Variants in ADGRL4 observed in about 807,000 individuals in gnomAD.
The protein encoded by ADGRL4 is EGF, latrophilin and seven transmembrane domain containing 1.
ADGRL4 carries 90 observed loss-of-function variants against 74.8 expected under a neutral mutation model. The observed-to-expected ratio is 1.20, with a 90% CI of 1.02 to 1.43. The LOEUF (loss-of-function observed/expected upper bound fraction) is 1.43. ADGRL4 is among the 40% of genes most tolerant of loss of function. ADGRL4 has a pLI of 0.00. For synonymous variants in ADGRL4, 311 were observed against 279.2 expected, an observed-to-expected ratio of 1.11 and a Z score of -1.14; for missense variants, 881 against 814.3, an observed-to-expected ratio of 1.08 and a Z score of -1.00.
At chr1:78,937,688 A>G in intron 6 of ADGRL4, 119 bp downstream of exon 6, 1 of 859,964 alleles carries the variant, frequency 1.2e-6, no homozygotes, top group Non-Finnish European at 1.8e-6. Context: ...ACACTGATAA[A>G]ACTACTTTCA....
Position 78,939,168 on chromosome 1 carries a change from T to C in ADGRL4, c.396+20A>G, listed in dbSNP as rs1405069269. ...AACCAAAATGTCAAAATAAAATAAA[T>C]TGTTAACTGTTCTACTTACTTTTGT... On this transcript the variant is annotated intron_variant, in intron 4 of 14. Coordinates refer to ENST00000370742, the MANE Select transcript of ADGRL4 (RefSeq NM_022159.4). The C allele has an allele frequency of 1.9e-6, 3 of 1,539,470 alleles. No homozygotes were observed. Among genetic ancestry groups the C allele is most frequent in the East Asian group, 2.4e-5 (1 of 42,272 alleles).
rs751176429 is a variant in ADGRL4, at chr1:78,939,213, G to T, written c.371C>A (p.Ala124Glu). 1 of 1,561,272 alleles carries T rather than the reference G, an allele frequency of 6.4e-7. No individual in the cohort carries two copies. Among genetic ancestry groups the T allele is most frequent in the Non-Finnish European group, 8.6e-7 (1 of 1,157,440 alleles). The change falls in exon 4 of 15, where the codon GCA becomes GAA. Residue 124 changes from alanine (A) to glutamate (E), a missense_variant. Coordinates refer to ENST00000370742, the MANE Select transcript of ADGRL4 (RefSeq NM_022159.4). ...NCHLDNVCIA[A>E]NINKTLTKIR... The stretch of plus-strand genomic sequence containing the variant: ...TTTTGTTAAAGTTTTATTAATATTT[G>T]CAGCTATACAGACATTATCTAAATG...
chr1:78,998,138 T>G (rs1650756934), intron 2 of ADGRL4, among the ~76,000 whole-genome samples: 1 of 152,114 alleles, frequency 6.6e-6, no homozygotes, highest in East Asian at 1.9e-4. Context: ...AGCCAGACTC[T>G]TTGCTGCAGG....
rs1450603060 is a variant in ADGRL4, at chr1:78,985,799, ATAAAG to A, written c.172+19266_172+19270del. 2.0e-4 allele frequency among the ~76,000 whole-genome samples: 31 copies of A among 151,980 alleles called. No individual in the cohort carries two copies. The South Asian group carries it at 5.6e-3, about 27-fold the overall frequency. ...TAAATGCTCATCAGTGGTAGACTGG[ATAAAG>A]AAAATGTGGTATATACACACTATGG... On this transcript the variant is annotated intron_variant, in intron 2 of 14. Coordinates refer to ENST00000370742, the MANE Select transcript of ADGRL4 (RefSeq NM_022159.4).
intron 12 of ADGRL4, among the ~76,000 whole-genome samples, chr1:78,898,332 T>C (rs2100652690): frequency 6.6e-6 from 1 of 152,212 alleles, no homozygotes; most frequent in Non-Finnish European, 1.5e-5. Context: ...GGTATTCATC[T>C]GAATTAAGAA....
intron 3 of ADGRL4, among the ~76,000 whole-genome samples, chr1:78,943,229 C>A (rs1157908960): frequency 2.6e-5 from 4 of 152,094 alleles, no homozygotes; most frequent in African/African-American, 9.7e-5. Flanking sequence ...ACATTACAAG[C>A]AGTAAACAAT....
At chr1:78,983,853 C>T (rs935418493) in intron 2 of ADGRL4, among the ~76,000 whole-genome samples, 1 of 151,738 alleles carries the variant, frequency 6.6e-6, no homozygotes, top group Non-Finnish European at 1.5e-5. Context: ...CATGAGGACA[C>T]TTTAAACAGT....
chr1:78,999,430 C>T (rs201743003), intron 2 of ADGRL4, among the ~76,000 whole-genome samples: 1 of 152,012 alleles, frequency 6.6e-6, no homozygotes, highest in Non-Finnish European at 1.5e-5. Flanking sequence ...ACAATTAGCC[C>T]GGCGTCGTGG....
intron 2 of ADGRL4, among the ~76,000 whole-genome samples, chr1:78,974,892 A>C (rs1367201438): frequency 6.6e-6 from 1 of 152,170 alleles, no homozygotes; most frequent in Non-Finnish European, 1.5e-5. Flanking sequence ...CATAGTTAGC[A>C]ATCTTAATTC....
chr1:78,891,421 A>G, intron 14 of ADGRL4, 103 bp downstream of exon 14: 2 of 1,329,570 alleles, frequency 1.5e-6, no homozygotes, highest in Non-Finnish European at 2.0e-6. Context: ...TTTAGGCAAT[A>G]AAGGCAGAAG....
chr1:78,952,693 A>C (rs1253540092), intron 2 of ADGRL4, among the ~76,000 whole-genome samples: 1 of 152,186 alleles, frequency 6.6e-6, no homozygotes, highest in African/African-American at 2.4e-5. Context: ...GGAAATGTAA[A>C]ATTCATCAAA....
chr1:78,993,386 C>A (rs1237556378), intron 2 of ADGRL4, among the ~76,000 whole-genome samples: 1 of 152,062 alleles, frequency 6.6e-6, no homozygotes, highest in Non-Finnish European at 1.5e-5. Context: ...AAAACCTCAT[C>A]TTAAATAGTT....
At chr1:78,929,610 T>C (rs1649197329) in intron 7 of ADGRL4, among the ~76,000 whole-genome samples, 1 of 151,640 alleles carries the variant, frequency 6.6e-6, no homozygotes, top group Non-Finnish European at 1.5e-5. Flanking sequence ...ATGTGTTTTA[T>C]TAACTAATTT....
At chr1:78,918,668 CAGA>C (rs750959626) in intron 10 of ADGRL4, among the ~76,000 whole-genome samples, 84 of 151,642 alleles carry the variant, frequency 5.5e-4, no homozygotes, top group Non-Finnish European at 1.0e-3. Context: ...TAAGAAATAA[CAGA>C]AGAAGAAGTA....
chr1:78,918,833 G>C (rs576930485), intron 10 of ADGRL4, among the ~76,000 whole-genome samples: 2 of 151,918 alleles, frequency 1.3e-5, no homozygotes, highest in South Asian at 4.1e-4. Flanking sequence ...ACTCTATAAG[G>C]CTGGGGAACA....
At chr1:78,922,603 T>C (rs997931486) in intron 8 of ADGRL4, among the ~76,000 whole-genome samples, 13 of 152,072 alleles carry the variant, frequency 8.5e-5, no homozygotes, top group Non-Finnish European at 1.9e-4. Context: ...CAATAAAATG[T>C]TGAACTTGTA....
intron 12 of ADGRL4, among the ~76,000 whole-genome samples, chr1:78,911,664 C>T (rs566658133): frequency 1.3e-4 from 19 of 151,364 alleles, no homozygotes; most frequent in Non-Finnish European, 2.8e-4. Context: ...ACATACATTC[C>T]CTTGCATATA....
At chr1:78,962,920 G>T in intron 2 of ADGRL4, among the ~76,000 whole-genome samples, 2 of 152,184 alleles carry the variant, frequency 1.3e-5, no homozygotes, top group Admixed American at 1.3e-4. Flanking sequence ...GTTCATGGAA[G>T]TTCATCTTTT....
chr1:78,980,000 G>A (rs116438752), intron 2 of ADGRL4, among the ~76,000 whole-genome samples: 2,335 of 151,878 alleles, frequency 0.015, 61 homozygotes, highest in African/African-American at 0.054. Flanking sequence ...ACGTATCCAC[G>A]GAATCAGAAA....
Sources: allele counts gnomAD v4.1 joint callset (sites outside exome capture counted in the v4.1 genomes callset), GRCh38; gene constraint gnomAD v4.1.1; transcripts MANE v1.5; gene names NCBI Gene and HGNC (gene_info 2026-07-23, HGNC 2026-07-21).